Variants in KIAA1671 observed in about 807,000 individuals in gnomAD.
KIAA1671 encodes KIAA1671, also known as uncharacterized protein KIAA1671.
In KIAA1671, 52 loss-of-function variants were observed where a neutral mutation model predicts 131.2. The ratio of observed to expected loss-of-function variants is 0.40; its 90% CI spans 0.32 to 0.50. The LOEUF is 0.50. Among genes scored for constraint, KIAA1671 ranks in the 20% least tolerant of loss-of-function variants. KIAA1671 has a pLI of 0.73. For missense variants in KIAA1671, 2,360 were observed against 2,364.2 expected (o/e 1.00, Z 0.04); for synonymous variants, 1,003 against 961.6 (o/e 1.04, Z -0.80).
chr22:24,961,775 A>G (rs1356989820), intron 1 of KIAA1671, among the ~76,000 whole-genome samples: 1 of 152,250 alleles, frequency 6.6e-6, no homozygotes, highest in Non-Finnish European at 1.5e-5. Context: ...TTGCTGAGCA[A>G]TAATAGAACC....
At chr22:25,005,568 G>A (rs1168647069) in intron 1 of KIAA1671, among the ~76,000 whole-genome samples, 1 of 152,016 alleles carries the variant, frequency 6.6e-6, no homozygotes. Flanking sequence ...CACTTCATTC[G>A]TTGGATCCTC....
chr22:25,177,456 G>A lies in KIAA1671; in HGVS notation c.5008G>A (p.Glu1670Lys). The change falls in exon 9 of 13, where the codon GAG becomes AAG. Residue 1670 changes from glutamate to lysine, a missense_variant. Transcript: ENST00000358431. ...CTCCCTCCGGCGCAGCCGATTTAGT[G>A]AGTCCGAGAGCAGATCACCTTTGGA... The part of the protein sequence containing the change: ...SHSLRRSRFS[E>K]SESRSPLEDE... The A allele has an allele frequency of 6.4e-7, 1 of 1,551,780 alleles. No individual in the cohort carries two copies. Among genetic ancestry groups the A allele is most frequent in the Non-Finnish European group, 8.7e-7 (1 of 1,147,020 alleles).
At position 24,978,622 on chromosome 22, in the gene KIAA1671, T is replaced by C. The variant is rs116991146; in HGVS notation, c.-208+25850T>C. Among the ~76,000 whole-genome samples the C allele has an allele frequency of 3.5e-3, 526 of 152,248 alleles. 12 individuals carry two copies. In the East Asian group the frequency reaches 0.073, roughly 21 times the overall value. On this transcript the variant is annotated intron_variant, in intron 1 of 12. Coordinates refer to ENST00000358431, the MANE Select transcript of KIAA1671 (RefSeq NM_001145206.2). ...CTGTGCCCTGGTGCCTGACTTGTTT[T>C]AAAAACCCCACTTTTAAAAATTGTG...
At chr22:25,133,799 T>C (rs562196747) in intron 6 of KIAA1671, among the ~76,000 whole-genome samples, 2 of 152,314 alleles carry the variant, frequency 1.3e-5, no homozygotes, top group East Asian at 3.9e-4. Context: ...CCTCCCACCA[T>C]GGCCTCCCAA....
At chr22:24,979,487 C>G (rs1046958677) in intron 1 of KIAA1671, among the ~76,000 whole-genome samples, 1 of 151,154 alleles carries the variant, frequency 6.6e-6, no homozygotes, top group Middle Eastern at 3.2e-3. Flanking sequence ...GTAGCTGGGA[C>G]TACAGACACC....
chr22:25,013,912 C>T (rs150269966), intron 1 of KIAA1671: 2 of 152,288 alleles, frequency 1.3e-5, no homozygotes, highest in African/African-American at 4.8e-5. Context: ...GACATCTTTA[C>T]TGGGTCTGCC....
At position 25,008,172 on chromosome 22, in the gene KIAA1671, T is replaced by C. The variant is rs1924848004; in HGVS notation, c.-207-17461T>C. ...GGGATCGCGCCACTGCACTCCAGCC[T>C]GAGAGACAGAGTGAGACTCCGTCGC... On this transcript the variant is annotated intron_variant, in intron 1 of 12. Coordinates refer to ENST00000358431, the MANE Select transcript of KIAA1671 (RefSeq NM_001145206.2). 6.5e-5 allele frequency among the ~76,000 whole-genome samples: 8 copies of C among 123,428 alleles called. No individual in the cohort carries two copies. In the South Asian group the frequency reaches 2.1e-3, roughly 33 times the overall value. 81.0% of individuals were successfully genotyped at this position (123,428 alleles called of 152,430 possible).
At chr22:25,000,308 C>T (rs1924388061) in intron 1 of KIAA1671, among the ~76,000 whole-genome samples, 1 of 91,948 alleles carries the variant, frequency 1.1e-5, no homozygotes, top group Non-Finnish European at 2.3e-5. Flanking sequence ...ATTCTCCTGC[C>T]TCAGCCTCCC....
intron 4 of KIAA1671, among the ~76,000 whole-genome samples, chr22:25,035,438 T>TC (rs1926536615): frequency 6.6e-6 from 1 of 152,186 alleles, no homozygotes; most frequent in Non-Finnish European, 1.5e-5. Context: ...TTAAGAAACT[T>TC]CCGTGGAGTT....
chr22:25,183,166 T>G (rs1466997318), intron 10 of KIAA1671, among the ~76,000 whole-genome samples: 1 of 152,200 alleles, frequency 6.6e-6, no homozygotes, highest in Non-Finnish European at 1.5e-5. Context: ...GAAGAAGAAA[T>G]GAAGGCAGAC....
rs376822265 is a variant in KIAA1671 at position 25,129,456 on chromosome 22, G to A, written c.4531-41364G>A. On this transcript the variant is annotated intron_variant, in intron 6 of 12. Transcript: ENST00000358431. ...CGGGAGGCAGAGGTTTCAGTGAGCC[G>A]AGATCGTACCATTGCACACCAGCCT... Among the ~76,000 whole-genome samples the A allele has an allele frequency of 1.4e-3, 210 of 150,920 alleles. 2 individuals carry two copies. Among genetic ancestry groups the A allele is most frequent in the African/African-American group, 4.8e-3 (196 of 40,970 alleles).
chr22:24,968,750 C>T lies in KIAA1671; in HGVS notation c.-208+15978C>T, dbSNP rs146254246. 1.6e-3 allele frequency among the ~76,000 whole-genome samples: 239 copies of T among 152,254 alleles called. 1 individual carries two copies. Among genetic ancestry groups the T allele is most frequent in the African/African-American group, 5.5e-3 (228 of 41,550 alleles). ...ACATAATCTTATCCTTTGGGGGACCCGCCTGCTTACTTGGCTTCCCCTCCA... is the reference window on the plus strand; with the variant it reads ...ACATAATCTTATCCTTTGGGGGACCTGCCTGCTTACTTGGCTTCCCCTCCA... On this transcript the variant is annotated intron_variant, in intron 1 of 12. Coordinates refer to ENST00000358431, the MANE Select transcript of KIAA1671 (RefSeq NM_001145206.2).
At chr22:25,060,539 T>C (rs915894645) in intron 6 of KIAA1671, 4 of 152,198 alleles carry the variant, frequency 2.6e-5, no homozygotes, top group African/African-American at 9.7e-5. Flanking sequence ...CTAGCTGCCT[T>C]CGGTTCACAC....
intron 6 of KIAA1671, among the ~76,000 whole-genome samples, chr22:25,129,390 C>G (rs1245268534): frequency 2.0e-5 from 3 of 151,944 alleles, no homozygotes; most frequent in Non-Finnish European, 4.4e-5. Flanking sequence ...ACCTGTAATA[C>G]CAGCTACTCG....
intron 1 of KIAA1671, among the ~76,000 whole-genome samples, chr22:25,018,019 ACCT>A (rs369856501): frequency 4.8e-5 from 7 of 144,644 alleles, no homozygotes; most frequent in Non-Finnish European, 7.6e-5. Context: ...GCTGACACCA[ACCT>A]CCTCCTCCTC....
intron 1 of KIAA1671, among the ~76,000 whole-genome samples, chr22:24,955,187 A>G (rs1177927678): frequency 6.6e-6 from 1 of 152,240 alleles, no homozygotes; most frequent in African/African-American, 2.4e-5. Context: ...CAACTCAGAA[A>G]CAGAGCCTCA....
At chr22:25,005,359 A>AG (rs1569204025) in intron 1 of KIAA1671, among the ~76,000 whole-genome samples, 1 of 151,642 alleles carries the variant, frequency 6.6e-6, no homozygotes, top group Non-Finnish European at 1.5e-5. Context: ...AAAAAAAAAA[A>AG]AAAAAGAAAA....
chr22:25,017,211 C>T (rs960617394), intron 1 of KIAA1671, among the ~76,000 whole-genome samples: 21 of 152,198 alleles, frequency 1.4e-4, no homozygotes, highest in Admixed American at 1.2e-3. Context: ...GGCAAAACCC[C>T]GTCTCTACTA....
At chr22:24,985,912 G>C (rs1018440119) in intron 1 of KIAA1671, among the ~76,000 whole-genome samples, 2 of 152,106 alleles carry the variant, frequency 1.3e-5, no homozygotes, top group South Asian at 2.1e-4. Flanking sequence ...CGAGGGTTGT[G>C]GGGTAACCCT....
Sources: gnomAD v4.1 joint callset for allele counts (sites outside exome capture counted in the v4.1 genomes callset) on GRCh38, gnomAD v4.1.1 for gene constraint, MANE v1.5 for transcripts, NCBI Gene and HGNC (gene_info 2026-07-23, HGNC 2026-07-21) for gene names.